MPP7: variants seen among roughly 807,000 people sequenced by gnomAD.
MPP7 encodes the protein MAGUK p55 scaffold protein 7, also known as MAGUK p55 subfamily member 7.
In MPP7, 60 loss-of-function variants were observed where a neutral mutation model predicts 76.5. The ratio of observed to expected loss-of-function variants is 0.78; its 90% confidence interval spans 0.64 to 0.97. The LOEUF is 0.97. MPP7 is among the 50% of genes least tolerant of loss of function. The pLI is 0.00. For synonymous variants in MPP7, 237 were observed against 244.5 expected (o/e 0.97, Z 0.29); for missense variants, 641 against 694.0 (o/e 0.92, Z 0.86).
chr10:28,268,776 A>G (rs537015831), intron 1 of MPP7, among the ~76,000 whole-genome samples: 1 of 151,138 alleles, frequency 6.6e-6, no homozygotes, highest in Non-Finnish European at 1.5e-5. Flanking sequence ...GGGGCTAATC[A>G]GGCGTGGTGG....
chr10:28,245,029 G>C (rs578133318), intron 1 of MPP7, among the ~76,000 whole-genome samples: 5 of 152,252 alleles, frequency 3.3e-5, no homozygotes, highest in African/African-American at 1.2e-4. Flanking sequence ...CTTCTCCTCT[G>C]GGGTACTTCT....
At chr10:28,128,783 T>C (rs867434883) in intron 6 of MPP7, among the ~76,000 whole-genome samples, 29 of 152,180 alleles carry the variant, frequency 1.9e-4, no homozygotes, top group Middle Eastern at 3.2e-3. Flanking sequence ...AATAGACAGA[T>C]GGATATACGA....
intron 3 of MPP7, among the ~76,000 whole-genome samples, chr10:28,191,701 A>G (rs561176012): frequency 1.3e-5 from 2 of 152,358 alleles, no homozygotes; most frequent in Non-Finnish European, 2.9e-5. Flanking sequence ...ATCCTCAACC[A>G]ATACCACGAC....
intron 15 of MPP7, 24 bp downstream of exon 15, chr10:28,058,471 T>A (rs779881696): frequency 7.3e-7 from 1 of 1,376,232 alleles, no homozygotes; most frequent in Non-Finnish European, 1.0e-6. Context: ...CAGAAGGGTA[T>A]TGAATAGCTC....
intron 8 of MPP7, among the ~76,000 whole-genome samples, chr10:28,122,192 GT>G (rs1275751743): frequency 6.6e-6 from 1 of 151,946 alleles, no homozygotes; most frequent in Non-Finnish European, 1.5e-5. Flanking sequence ...TATTTTTCTA[GT>G]TTGTGTCTGT....
chr10:28,222,662 C>T (rs527877941), intron 2 of MPP7, among the ~76,000 whole-genome samples: 1 of 151,904 alleles, frequency 6.6e-6, no homozygotes, highest in Admixed American at 6.6e-5. Flanking sequence ...ACCACCCTGG[C>T]TAACATGGTG....
At chr10:28,179,674 G>A (rs17685100) in intron 3 of MPP7, among the ~76,000 whole-genome samples, 74,521 of 151,946 alleles carry the variant, frequency 0.49, 20,889 homozygotes, top group Middle Eastern at 0.72. Context: ...GGTCTCAGAT[G>A]TCCCGAAGGA....
At chr10:28,094,606 G>C (rs941587810) in intron 11 of MPP7, among the ~76,000 whole-genome samples, 2 of 152,090 alleles carry the variant, frequency 1.3e-5, no homozygotes, top group African/African-American at 4.8e-5. Context: ...ATCCCTTGTA[G>C]TCCCATAGCA....
At position 28,054,086 on chromosome 10, in the gene MPP7, T is replaced by C; in HGVS notation, c.1710A>G (p.Pro570=). The C allele has an allele frequency of 1.2e-6, 2 of 1,613,688 alleles. No individual in the cohort carries two copies. The highest frequency in any genetic ancestry group is 1.7e-6 in the Non-Finnish European group (2 of 1,179,814). ...DKLETETHWV[P]VSWLHS ...TTAGTTATGAATGTAACCAGCTCAC[T>C]GGCACCCAATGGGTCTCTGTCTCTA... is the stretch of plus-strand genomic sequence containing the variant. The change falls in exon 17 of 17, where the codon CCA becomes CCG. Residue 570 remains proline, a synonymous_variant. Transcript: ENST00000683449.
intron 5 of MPP7, among the ~76,000 whole-genome samples, chr10:28,145,936 C>T (rs1286792436): frequency 1.3e-5 from 2 of 152,186 alleles, no homozygotes; most frequent in Non-Finnish European, 2.9e-5. Context: ...TATAATATTG[C>T]ATAATTAGCT....
chr10:28,295,529 T>C (rs1224378816), intron 1 of MPP7, among the ~76,000 whole-genome samples: 1 of 151,990 alleles, frequency 6.6e-6, no homozygotes, highest in Non-Finnish European at 1.5e-5. Flanking sequence ...TTTTACAACA[T>C]GACTTCAACA....
intron 13 of MPP7, among the ~76,000 whole-genome samples, chr10:28,066,502 T>A (rs1392270434): frequency 6.6e-6 from 1 of 152,150 alleles, no homozygotes; most frequent in Non-Finnish European, 1.5e-5. Context: ...ACTATAGCAC[T>A]TTAGGAAAAC....
chr10:28,157,492 G>A (rs1836106453), intron 3 of MPP7, among the ~76,000 whole-genome samples: 1 of 152,208 alleles, frequency 6.6e-6, no homozygotes, highest in East Asian at 1.9e-4. Flanking sequence ...ATTCACAATG[G>A]AAATACCCAG....
At chr10:28,270,539 G>A (rs74686639) in intron 1 of MPP7, among the ~76,000 whole-genome samples, 1 of 102,602 alleles carries the variant, frequency 9.7e-6, no homozygotes, top group Non-Finnish European at 2.0e-5. Context: ...AAAAGGGGGG[G>A]GGGGAGGAGG....
chr10:28,238,504 AT>A, intron 2 of MPP7, 63 bp downstream of exon 2: 1 of 1,539,468 alleles, frequency 6.5e-7, no homozygotes, highest in Non-Finnish European at 9.0e-7. Context: ...AGCATGCTGT[AT>A]TTCACTGTGA....
chr10:28,334,739 G>A (rs1317983961), upstream of MPP7, among the ~76,000 whole-genome samples: 2 of 152,216 alleles, frequency 1.3e-5, no homozygotes, highest in Admixed American at 6.5e-5. Flanking sequence ...CCTGGTGATG[G>A]GAAATATTTT....
intron 1 of MPP7, among the ~76,000 whole-genome samples, chr10:28,252,511 C>T (rs1839646676): frequency 6.6e-6 from 1 of 152,198 alleles, no homozygotes; most frequent in African/African-American, 2.4e-5. Flanking sequence ...AGATATTGCT[C>T]AAGCCTGGGT....
At chr10:28,149,869 C>T (rs1195058991) in intron 4 of MPP7, 113 bp downstream of exon 4, 9 of 615,934 alleles carry the variant, frequency 1.5e-5, no homozygotes, top group Non-Finnish European at 2.5e-5. Context: ...CATTTGTAAC[C>T]TCTTCTGCTT....
At chr10:28,291,266 T>C (rs1840911814) in intron 1 of MPP7, among the ~76,000 whole-genome samples, 1 of 152,186 alleles carries the variant, frequency 6.6e-6, no homozygotes, top group Non-Finnish European at 1.5e-5. Flanking sequence ...CCAGGAAAAG[T>C]AGCTCCTTTG....
Sources: allele counts gnomAD v4.1 joint callset (sites outside exome capture counted in the v4.1 genomes callset), GRCh38; gene constraint gnomAD v4.1.1; transcripts MANE v1.5; gene names NCBI Gene and HGNC (gene_info 2026-07-23, HGNC 2026-07-21).